IQSEC1: variants seen among roughly 807,000 people sequenced by gnomAD.
The protein encoded by IQSEC1 is IQ motif and SEC7 domain-containing protein 1.
IQSEC1 carries 31 observed loss-of-function variants against 91.0 expected under a neutral mutation model. That is an observed-to-expected ratio of 0.34 (90% CI 0.26 to 0.46). The LOEUF (loss-of-function observed/expected upper bound fraction) is 0.46, where lower values mean the gene tolerates loss of function less well. Ranked by LOEUF, IQSEC1 falls within the 20% of genes least tolerant of loss-of-function variation. The pLI, the probability that IQSEC1 is intolerant of heterozygous loss-of-function variation, is 1.00. For synonymous variants in IQSEC1, 699 were observed against 662.6 expected, an observed-to-expected ratio of 1.05 and a Z score of -0.84; for missense variants, 1,388 against 1,575.6, an observed-to-expected ratio of 0.88 and a Z score of 2.02.
At chr3:13,020,500 T>C (rs1703349879) in intron 1 of IQSEC1, among the ~76,000 whole-genome samples, 1 of 152,242 alleles carries the variant, frequency 6.6e-6, no homozygotes. Flanking sequence ...CTTATTACAG[T>C]GAGAGTAAAC....
intron 1 of IQSEC1, among the ~76,000 whole-genome samples, chr3:13,169,076 T>C (rs1348740910): frequency 1.3e-5 from 2 of 152,208 alleles, no homozygotes; most frequent in African/African-American, 4.8e-5. Flanking sequence ...AAAAATTAAC[T>C]CAGGGTGGGT....
At chr3:13,012,236 A>T (rs956466278) in intron 1 of IQSEC1, among the ~76,000 whole-genome samples, 1 of 152,172 alleles carries the variant, frequency 6.6e-6, no homozygotes, top group Non-Finnish European at 1.5e-5. Context: ...AACCTAGCAC[A>T]GCCAGGTCAG....
chr3:13,215,657 G>C (rs1463541649), intron 1 of IQSEC1, among the ~76,000 whole-genome samples: 1 of 152,198 alleles, frequency 6.6e-6, no homozygotes, highest in Non-Finnish European at 1.5e-5. Flanking sequence ...ATGACACATG[G>C]ATGTGTTGAT....
In IQSEC1 at chr3:13,153,380, C is replaced by T. The variant is rs986118466; in HGVS notation, c.302+10724G>A. On this transcript the variant is annotated intron_variant, in intron 2 of 15. Coordinates refer to the IQSEC1 transcript ENST00000648114. ...TGTAAGAGACAGCCCCTGGTCCAGC[C>T]GGCCAGGCCTGAAGGTCCTGGAAGA... Among the ~76,000 whole-genome samples the T allele has an allele frequency of 9.2e-5, 14 of 152,322 alleles. No individual in the cohort carries two copies. In the East Asian group the frequency reaches 2.5e-3, roughly 27 times the overall value.
Position 12,909,508 on chromosome 3 carries a change from A to T in IQSEC1, c.2417-74T>A. 6.9e-7 allele frequency: 1 copy of T among 1,443,112 alleles called. No homozygotes were observed. Among genetic ancestry groups the T allele is most frequent in the Non-Finnish European group, 9.6e-7 (1 of 1,043,516 alleles). The allele number at this position is 1,443,112 out of a possible 1,614,324, so 89.4% of individuals were successfully genotyped here. On this transcript the variant is annotated intron_variant, in intron 10 of 13. Transcript: ENST00000613206. This position sits in a 1 kb window ranked among gnomAD's most constrained non-coding sequence, Gnocchi z 4.9. ...CTCTGCAATCTCCTCTCTGGTCAGG[A>T]AACAATGGTAGGGCTGAGTTGTGCG...
intron 1 of IQSEC1, among the ~76,000 whole-genome samples, chr3:13,056,018 G>T (rs1183010688): frequency 6.6e-6 from 1 of 151,858 alleles, no homozygotes; most frequent in East Asian, 1.9e-4. Context: ...GCTCCACCAA[G>T]GACTCTCTTC....
chr3:13,279,899 C>G (rs1218289779), intron 1 of IQSEC1, among the ~76,000 whole-genome samples: 1 of 152,176 alleles, frequency 6.6e-6, no homozygotes, highest in Non-Finnish European at 1.5e-5. Context: ...CTCACGGTAC[C>G]CCATTTCCCT....
chr3:13,053,175 G>A, intron 1 of IQSEC1: 1 of 739,112 alleles, frequency 1.4e-6, no homozygotes. Flanking sequence ...GGAAGAGAGG[G>A]GACTGGCTGT....
chr3:12,927,936 G>T (rs150723270), intron 3 of IQSEC1, among the ~76,000 whole-genome samples: 1 of 152,164 alleles, frequency 6.6e-6, no homozygotes, highest in African/African-American at 2.4e-5. Flanking sequence ...GAAGGCGAAG[G>T]GGGTAGTGGG....
intron 1 of IQSEC1, among the ~76,000 whole-genome samples, chr3:13,188,773 G>C (rs1693973444): frequency 6.6e-6 from 1 of 152,240 alleles, no homozygotes; most frequent in Non-Finnish European, 1.5e-5. Flanking sequence ...AGGCTCCACA[G>C]GAAAAAGCCA....
chr3:12,949,460 C>A (rs1311361592), intron 1 of IQSEC1, among the ~76,000 whole-genome samples: 1 of 152,242 alleles, frequency 6.6e-6, no homozygotes, highest in Non-Finnish European at 1.5e-5. Flanking sequence ...TCTGCACAGG[C>A]CAGAGCAAAA....
At chr3:13,102,729 T>C (rs2124835415) in intron 2 of IQSEC1, among the ~76,000 whole-genome samples, 1 of 152,262 alleles carries the variant, frequency 6.6e-6, no homozygotes, top group East Asian at 1.9e-4. Context: ...CAGCCTTCCC[T>C]GCTTGGATGC....
At chr3:12,923,554 C>T (rs924625758) in intron 4 of IQSEC1, among the ~76,000 whole-genome samples, 3 of 152,280 alleles carry the variant, frequency 2.0e-5, no homozygotes, top group Admixed American at 6.5e-5. Context: ...GGGTGTGGGA[C>T]GGGGACTACA....
intron 2 of IQSEC1, among the ~76,000 whole-genome samples, chr3:13,096,866 T>TTC (rs1315647329): frequency 7.5e-5 from 11 of 147,614 alleles, no homozygotes; most frequent in Admixed American, 2.7e-4. Context: ...CTTTCTTTCT[T>TTC]TTTTTTTTTT....
intron 6 of IQSEC1, among the ~76,000 whole-genome samples, chr3:12,916,608 C>T (rs1198775208): frequency 6.6e-6 from 1 of 152,220 alleles, no homozygotes; most frequent in Non-Finnish European, 1.5e-5. Flanking sequence ...GGGTAGGCAA[C>T]CTGGCAATGC....
chr3:13,163,143 T>C (rs1707208313), intron 2 of IQSEC1, among the ~76,000 whole-genome samples: 1 of 152,064 alleles, frequency 6.6e-6, no homozygotes, highest in Admixed American at 6.5e-5. Flanking sequence ...CTGCCCCAAG[T>C]ATAAGATTCA....
In IQSEC1 at chr3:12,922,121, T is replaced by C; in HGVS notation, c.1852A>G (p.Ser618Gly). Reference protein sequence around the residue: ...QKVERLIEAFSQRYCICNPGV... With the variant: ...QKVERLIEAFGQRYCICNPGV... ...AGCCCCAGCCAGCCCGGGCCCCACC[T>C]GAACGCCTCTATGAGCCGCTCCACT... Residue 618 changes from serine to glycine, a missense_variant and splice_region_variant, in exon 5 of 14, where the codon AGC becomes GGC. Transcript: ENST00000613206. This position sits in a 1 kb window ranked among gnomAD's most constrained non-coding sequence, Gnocchi z 5.1. The C allele has an allele frequency of 6.3e-7, 1 of 1,594,780 alleles. No individual in the cohort carries two copies. Among genetic ancestry groups the C allele is most frequent in the Non-Finnish European group, 8.6e-7 (1 of 1,167,408 alleles).
intron 1 of IQSEC1, among the ~76,000 whole-genome samples, chr3:13,254,490 T>G (rs1695252505): frequency 6.6e-6 from 1 of 152,166 alleles, no homozygotes; most frequent in Non-Finnish European, 1.5e-5. Flanking sequence ...CAAACCCCCC[T>G]GCACAAAGGT....
chr3:13,095,166 G>T (rs1705932963), intron 2 of IQSEC1, among the ~76,000 whole-genome samples: 1 of 152,142 alleles, frequency 6.6e-6, no homozygotes, highest in Admixed American at 6.5e-5. Flanking sequence ...AGGCTGCGAT[G>T]TGTAGTCTGG....
Sources: allele counts gnomAD v4.1 joint callset (sites outside exome capture counted in the v4.1 genomes callset), GRCh38; gene constraint gnomAD v4.1.1; non-coding constraint Gnocchi (gnomAD v3.1); transcripts MANE v1.5; gene names NCBI Gene and HGNC (gene_info 2026-07-23, HGNC 2026-07-21).